The following EPHX1 variants were observed in gnomAD, a reference collection of about 807,000 sequenced individuals.
EPHX1 encodes epoxide hydrolase 1, also known as epoxide hydratase.
In EPHX1, 40 loss-of-function variants were observed where a neutral mutation model predicts 43.2. The ratio of observed to expected loss-of-function variants is 0.93; its 90% CI spans 0.72 to 1.21. The LOEUF (loss-of-function observed/expected upper bound fraction) is 1.21, where lower values mean the gene tolerates loss of function less well. Ranked by LOEUF, EPHX1 falls within the 50% of genes most tolerant of loss-of-function variation. The pLI is 0.00. For missense variants in EPHX1, 550 were observed against 570.4 expected (o/e 0.96, Z 0.36); for synonymous variants, 221 against 226.7 (o/e 0.98, Z 0.22).
chr1:225,821,900 T>C (rs924472933), intron 1 of EPHX1, among the ~76,000 whole-genome samples: 1 of 152,198 alleles, frequency 6.6e-6, no homozygotes, highest in East Asian at 1.9e-4. Flanking sequence ...CTCTCCTGTA[T>C]TTAAAATGGT....
chr1:225,826,062 T>G (rs1406179824), intron 1 of EPHX1, among the ~76,000 whole-genome samples: 1 of 152,220 alleles, frequency 6.6e-6, no homozygotes, highest in Non-Finnish European at 1.5e-5. Context: ...CATTTCCAGG[T>G]ATTCCCTGCC....
intron 3 of EPHX1, among the ~76,000 whole-genome samples, chr1:225,835,437 T>G (rs1177313697): frequency 6.9e-6 from 1 of 144,946 alleles, no homozygotes; most frequent in Admixed American, 7.1e-5. Flanking sequence ...TCACCCAGGC[T>G]GGAGTGCAGT....
Position 225,817,369 on chromosome 1 carries a change from C to T in EPHX1, c.-6+7200C>T, listed in dbSNP as rs760683846. On this transcript the variant is annotated intron_variant, in intron 1 of 8. Coordinates refer to ENST00000272167, the MANE Select transcript of EPHX1 (RefSeq NM_001136018.4). This position sits in a 1 kb window ranked among gnomAD's most constrained non-coding sequence, Gnocchi z 5.7. ...GCTGACAGGGAGTTCACAGCAGGAA[C>T]GCTCCCAGGCTCCCATCCTGCGTCC... Among the ~76,000 whole-genome samples the T allele has an allele frequency of 1.1e-3, 172 of 152,356 alleles. 1 individual carries two copies. The highest frequency in any genetic ancestry group is 5.3e-4 in the Non-Finnish European group (36 of 68,026).
chr1:225,813,230 A>G (rs897558134), intron 1 of EPHX1, among the ~76,000 whole-genome samples: 3 of 152,222 alleles, frequency 2.0e-5, no homozygotes, highest in Non-Finnish European at 2.9e-5. Context: ...GGCCCTGGCC[A>G]CAGGGTAGGG....
rs1667622769 is a variant in EPHX1, at chr1:225,831,862, C to A, written c.267C>A (p.Tyr89Ter). 6.2e-7 allele frequency: 1 copy of A among 1,614,072 alleles called. No individual in the cohort carries two copies. Among genetic ancestry groups the A allele is most frequent in the African/African-American group, 1.3e-5 (1 of 74,940 alleles). ...TCCACTATGGCTTCAACTCCAACTA[C>A]CTGAAGAAAGTCATCTCCTACTGGC... Reference protein sequence around the residue: ...SCFHYGFNSNYLKKVISYWRN... With the variant: ...SCFHYGFNSN The change falls in exon 3 of 9, where the codon TAC (tyrosine) becomes TAA (stop). Residue 89 changes from tyrosine to a stop codon, truncating the protein, a stop_gained. Coordinates refer to ENST00000272167, the MANE Select transcript of EPHX1 (RefSeq NM_001136018.4). LOFTEE classifies it high-confidence loss of function.
At chr1:225,844,083 A>G (rs1668678915) in intron 7 of EPHX1, among the ~76,000 whole-genome samples, 1 of 152,154 alleles carries the variant, frequency 6.6e-6, no homozygotes. Flanking sequence ...AATAGTACCT[A>G]TGTCCCATAG....
At position 225,831,889 on chromosome 1, in the gene EPHX1, G is replaced by A; in HGVS notation, c.294G>A (p.Arg98=). Residue 98 remains arginine, a synonymous_variant, in exon 3 of 9, where the codon CGG becomes CGA. Transcript: ENST00000272167. ...TGAAGAAAGTCATCTCCTACTGGCG[G>A]AATGAATTTGACTGGAAGAAGCAGG... ...NYLKKVISYW[R]NEFDWKKQVE... 6.2e-7 allele frequency: 1 copy of A among 1,614,162 alleles called. No individual in the cohort carries two copies. Among genetic ancestry groups the A allele is most frequent in the African/African-American group, 1.3e-5 (1 of 75,034 alleles).
intron 6 of EPHX1, among the ~76,000 whole-genome samples, chr1:225,841,856 A>G (rs2854452): frequency 0.59 from 89,155 of 151,310 alleles, 27,093 homozygotes; most frequent in African/African-American, 0.73. Context: ...CACCTTTCTC[A>G]CCCTCCCAAA....
At chr1:225,811,366 T>C (rs1666474417) in intron 1 of EPHX1, among the ~76,000 whole-genome samples, 1 of 152,174 alleles carries the variant, frequency 6.6e-6, no homozygotes, top group South Asian at 2.1e-4. Flanking sequence ...AACTTCAGGT[T>C]CCGCAAAGCC....
chr1:225,821,724 C>A (rs1047906952), intron 1 of EPHX1, among the ~76,000 whole-genome samples: 1 of 150,822 alleles, frequency 6.6e-6, no homozygotes, highest in Non-Finnish European at 1.5e-5. Flanking sequence ...CCATGCCTGG[C>A]TAATTTTTTT....
chr1:225,827,148 A>AC (rs1236722667), intron 1 of EPHX1, among the ~76,000 whole-genome samples: 4 of 151,932 alleles, frequency 2.6e-5, no homozygotes, highest in Non-Finnish European at 5.9e-5. Context: ...GGCCTCTGCA[A>AC]CCCCCCAGCA....
intron 1 of EPHX1, among the ~76,000 whole-genome samples, chr1:225,822,568 A>G (rs1667023164): frequency 6.6e-6 from 1 of 152,182 alleles, no homozygotes; most frequent in South Asian, 2.1e-4. Flanking sequence ...GTGTCTCCTA[A>G]ACTTTGATGT....
Position 225,831,854 on chromosome 1 carries a change from T to C in EPHX1, c.259T>C (p.Ser87Pro). The C allele has an allele frequency of 6.2e-7, 1 of 1,614,168 alleles. No homozygotes were observed. The highest frequency in any genetic ancestry group is 1.1e-5 in the South Asian group (1 of 91,078). The stretch of plus-strand genomic sequence containing the variant: ...CAGCTGCTTCCACTATGGCTTCAAC[T>C]CCAACTACCTGAAGAAAGTCATCTC... ...EDSCFHYGFN[S>P]NYLKKVISYW... The change falls in exon 3 of 9, where the codon TCC becomes CCC. Residue 87 changes from serine to proline, a missense_variant. By Grantham distance (74) the Ser-to-Pro change is moderately conservative. Transcript: ENST00000272167.
At chr1:225,826,803 G>A (rs1667265347) in intron 1 of EPHX1, among the ~76,000 whole-genome samples, 1 of 152,098 alleles carries the variant, frequency 6.6e-6, no homozygotes, top group Non-Finnish European at 1.5e-5. Context: ...TGGTCCAGGG[G>A]AGGGGGCGAG....
In EPHX1 at chr1:225,819,280, C is replaced by CT. The variant is rs532397828; in HGVS notation, c.-6+9112dup. Among the ~76,000 whole-genome samples, 535 of 148,894 alleles carry CT rather than the reference C, an allele frequency of 3.6e-3. 9 individuals are homozygous for CT. The highest frequency in any genetic ancestry group is 0.013 in the African/African-American group (509 of 39,618). On this transcript the variant is annotated intron_variant, in intron 1 of 8. Transcript: ENST00000272167. ...ATTATCTGGGCATGGTGGCATGCGC[C>CT]TGTAGTCCCCGCTACTCAGGAGACT...
rs543213760 is a variant in EPHX1 at position 225,834,025 on chromosome 1, A to G, written c.364+2066A>G. ...AGGCAGAAGAATAGCGTGAACCCGGAAGGCGGAGCTTGCAGTGAGCCCAGA... is the reference window on the plus strand; with the variant it reads ...AGGCAGAAGAATAGCGTGAACCCGGGAGGCGGAGCTTGCAGTGAGCCCAGA... On this transcript the variant is annotated intron_variant, in intron 3 of 8. Coordinates refer to ENST00000272167, the MANE Select transcript of EPHX1 (RefSeq NM_001136018.4). Among the ~76,000 whole-genome samples, 506 of 140,474 alleles carry G rather than the reference A, an allele frequency of 3.6e-3. 13 individuals carry two copies. Among genetic ancestry groups the G allele is most frequent in the Admixed American group, 0.033 (453 of 13,906 alleles). The allele number at this position is 140,474 out of a possible 152,430, so 92.2% of individuals were successfully genotyped here.
At chr1:225,816,168 C>T (rs896619454) in intron 1 of EPHX1, among the ~76,000 whole-genome samples, 2 of 152,132 alleles carry the variant, frequency 1.3e-5, no homozygotes, top group African/African-American at 4.8e-5. Flanking sequence ...TGGCAGGTGC[C>T]TGTAATCCCA....
intron 7 of EPHX1, among the ~76,000 whole-genome samples, chr1:225,843,123 A>C (rs924904332): frequency 6.6e-6 from 1 of 152,218 alleles, no homozygotes; most frequent in African/African-American, 2.4e-5. Flanking sequence ...CCCATCACCT[A>C]GAACAATGCC....
At position 225,839,824 on chromosome 1, in the gene EPHX1, T is replaced by G; in HGVS notation, c.723-5T>G. The G allele has an allele frequency of 6.2e-7, 1 of 1,613,466 alleles. No homozygotes were observed. The highest frequency in any genetic ancestry group is 1.3e-5 in the African/African-American group (1 of 74,900). On this transcript the variant is annotated splice_region_variant and splice_polypyrimidine_tract_variant and intron_variant, in intron 5 of 8. Transcript: ENST00000272167. ...CCTCACCCCGGCCCCTCTCTCTGCC[T>G]TCAGCCACGTGAAAGGCCTGCACTT...
Sources: gnomAD v4.1 joint callset for allele counts (sites outside exome capture counted in the v4.1 genomes callset) on GRCh38, gnomAD v4.1.1 for gene constraint, Gnocchi (gnomAD v3.1) non-coding constraint, MANE v1.5 for transcripts, NCBI Gene and HGNC (gene_info 2026-07-23, HGNC 2026-07-21) for gene names.